The following KCNIP4 variants were observed in gnomAD, a reference collection of about 807,000 sequenced individuals.
KCNIP4 encodes potassium voltage-gated channel interacting protein 4.
A neutral mutation model predicts 34.0 loss-of-function variants in KCNIP4; 12 were observed. That is an observed-to-expected ratio of 0.35 (90% CI 0.23 to 0.57). The LOEUF (loss-of-function observed/expected upper bound fraction) is 0.57. Among genes scored for constraint, KCNIP4 ranks in the 20% least tolerant of loss-of-function variants. KCNIP4 has a pLI of 0.83. For missense variants in KCNIP4, 238 were observed against 311.7 expected, an observed-to-expected ratio of 0.76 and a Z score of 1.78; for synonymous variants, 124 against 102.2, an observed-to-expected ratio of 1.21 and a Z score of -1.29.
chr4:21,192,230 G>T (rs1755702529), intron 1 of KCNIP4, among the ~76,000 whole-genome samples: 1 of 152,088 alleles, frequency 6.6e-6, no homozygotes, highest in African/African-American at 2.4e-5. Flanking sequence ...TTAATTCTAG[G>T]ATGCCATCAA....
intron 1 of KCNIP4, among the ~76,000 whole-genome samples, chr4:21,070,752 T>C (rs570733351): frequency 7.5e-6 from 1 of 133,844 alleles, no homozygotes; most frequent in Non-Finnish European, 1.5e-5. Context: ...CTCGGCTCAC[T>C]GCAAGCTCTG....
rs957378827 is a variant in KCNIP4, at chr4:21,912,806, TATATA to T, written c.61+35760_61+35764del. ...AGATCATATATTACATTATATGTTT[TATATA>T]ATATAATATATATAACATAATATAA... On this transcript the variant is annotated intron_variant, in intron 1 of 8. Transcript: ENST00000382152. Among the ~76,000 whole-genome samples, 20 of 149,680 alleles carry T rather than the reference TATATA, an allele frequency of 1.3e-4. 1 individual carries two copies. The highest frequency in any genetic ancestry group is 3.9e-4 in the East Asian group (2 of 5,154).
intron 1 of KCNIP4, among the ~76,000 whole-genome samples, chr4:21,258,059 G>T (rs188943172): frequency 1.3e-5 from 2 of 152,106 alleles, no homozygotes; most frequent in African/African-American, 4.8e-5. Flanking sequence ...TGTAACTATG[G>T]TTAACAGCAG....
At chr4:21,658,317 C>A (rs899927132) in intron 1 of KCNIP4, among the ~76,000 whole-genome samples, 1 of 152,160 alleles carries the variant, frequency 6.6e-6, no homozygotes, top group African/African-American at 2.4e-5. Context: ...CTTGGAGAAG[C>A]CTTCCATTTC....
intron 2 of KCNIP4, among the ~76,000 whole-genome samples, chr4:20,864,955 A>G (rs1722720769): frequency 6.6e-6 from 1 of 152,098 alleles, no homozygotes; most frequent in Non-Finnish European, 1.5e-5. Context: ...ATTCCACATC[A>G]GAAGCAGATA....
chr4:21,304,098 A>AG (rs1712139535), intron 1 of KCNIP4: 3 of 492,776 alleles, frequency 6.1e-6, no homozygotes, highest in Non-Finnish European at 3.0e-6. Context: ...AGAGAGAGAG[A>AG]GAGAGAGAGA....
chr4:21,888,312 T>C (rs929452543), intron 1 of KCNIP4, among the ~76,000 whole-genome samples: 18 of 152,144 alleles, frequency 1.2e-4, no homozygotes, highest in African/African-American at 4.3e-4. Context: ...GAATTACTCA[T>C]GGAGGTCCTC....
At chr4:20,815,242 T>G (rs560500279) in intron 3 of KCNIP4, among the ~76,000 whole-genome samples, 22 of 152,294 alleles carry the variant, frequency 1.4e-4, no homozygotes, top group African/African-American at 5.1e-4. Flanking sequence ...TCATATATGT[T>G]TATGTATTCA....
intron 1 of KCNIP4, among the ~76,000 whole-genome samples, chr4:21,476,041 C>T (rs1730931417): frequency 6.6e-6 from 1 of 152,140 alleles, no homozygotes. Flanking sequence ...ACCCAGGGTT[C>T]TGCCTTCTAG....
chr4:21,076,462 T>C (rs968298452), intron 1 of KCNIP4, among the ~76,000 whole-genome samples: 11 of 152,176 alleles, frequency 7.2e-5, no homozygotes, highest in Non-Finnish European at 1.0e-4. Flanking sequence ...TTCTTTTCCA[T>C]GCTAGATTGT....
intron 1 of KCNIP4, among the ~76,000 whole-genome samples, chr4:21,477,276 A>C (rs755113124): frequency 1.3e-5 from 2 of 152,188 alleles, no homozygotes; most frequent in Non-Finnish European, 2.9e-5. Context: ...TGCATTGCCA[A>C]GGTATTTCTC....
At chr4:20,899,810 C>A (rs1433166856) in intron 1 of KCNIP4, among the ~76,000 whole-genome samples, 1 of 152,106 alleles carries the variant, frequency 6.6e-6, no homozygotes, top group Non-Finnish European at 1.5e-5. Context: ...ATGGAAAAAT[C>A]CACTAAGACC....
intron 1 of KCNIP4, among the ~76,000 whole-genome samples, chr4:21,511,083 A>G (rs1318274784): frequency 2.0e-5 from 3 of 151,922 alleles, no homozygotes; most frequent in Non-Finnish European, 4.4e-5. Flanking sequence ...CGTTTGCCAC[A>G]TGCCTGTATA....
At chr4:21,836,504 C>T (rs1723327749) in intron 1 of KCNIP4, among the ~76,000 whole-genome samples, 1 of 152,010 alleles carries the variant, frequency 6.6e-6, no homozygotes, top group African/African-American at 2.4e-5. Context: ...ATTTATTCTA[C>T]TTCAATGTAC....
At chr4:21,107,958 C>T (rs528707069) in intron 1 of KCNIP4, among the ~76,000 whole-genome samples, 53 of 151,498 alleles carry the variant, frequency 3.5e-4, no homozygotes, top group African/African-American at 1.2e-3. Context: ...AGAGTTTCTG[C>T]CGAGAAATCT....
chr4:21,837,181 T>A (rs969747724), intron 1 of KCNIP4, among the ~76,000 whole-genome samples: 1 of 66 alleles, frequency 0.015, no homozygotes, highest in East Asian at 0.5. Context: ...CCTCCCAAAG[T>A]GCTGGGAATT....
intron 3 of KCNIP4, among the ~76,000 whole-genome samples, chr4:20,761,926 C>T (rs1259552746): frequency 6.6e-6 from 1 of 152,094 alleles, no homozygotes; most frequent in African/African-American, 2.4e-5. Context: ...ATACTGTATG[C>T]CTATTATTCC....
chr4:21,274,352 G>A (rs1180859529), intron 1 of KCNIP4, among the ~76,000 whole-genome samples: 1 of 152,132 alleles, frequency 6.6e-6, no homozygotes, highest in Non-Finnish European at 1.5e-5. Context: ...ACAATCAACA[G>A]TTTTAAGAAA....
chr4:21,105,600 C>T (rs1029426148), intron 1 of KCNIP4, among the ~76,000 whole-genome samples: 2 of 151,554 alleles, frequency 1.3e-5, no homozygotes, highest in Admixed American at 6.6e-5. Flanking sequence ...CTTCTCCTGC[C>T]TAATTGCCCT....
Sources: allele counts gnomAD v4.1 joint callset (sites outside exome capture counted in the v4.1 genomes callset), GRCh38; gene constraint gnomAD v4.1.1; transcripts MANE v1.5; gene names NCBI Gene and HGNC (gene_info 2026-07-23, HGNC 2026-07-21).